The following UBAC2 variants were observed in gnomAD, a reference collection of about 807,000 sequenced individuals.
UBAC2 encodes UBA domain containing 2, also known as ubiquitin-associated domain-containing protein 2.
A neutral mutation model predicts 44.0 loss-of-function variants in UBAC2; 26 were observed. The observed-to-expected ratio is 0.59, with a 90% confidence interval of 0.43 to 0.82. The LOEUF (loss-of-function observed/expected upper bound fraction) is 0.82. Ranked by LOEUF, UBAC2 falls within the 40% of genes least tolerant of loss-of-function variation. The pLI, the probability that UBAC2 is intolerant of heterozygous loss-of-function variation, is 0.00. For missense variants in UBAC2, 329 were observed against 419.4 expected (o/e 0.78, Z 1.88); for synonymous variants, 155 against 154.3 (o/e 1.00, Z -0.04).
intron 1 of UBAC2, among the ~76,000 whole-genome samples, chr13:99,219,686 AT>A (rs760313803): frequency 2.4e-4 from 37 of 152,328 alleles, no homozygotes; most frequent in Admixed American, 1.6e-3. Flanking sequence ...AAACCAAAAG[AT>A]TAGACATCCC....
At chr13:99,343,519 C>T (rs1273428346) in intron 7 of UBAC2, among the ~76,000 whole-genome samples, 3 of 152,234 alleles carry the variant, frequency 2.0e-5, no homozygotes, top group African/African-American at 4.8e-5. Flanking sequence ...TGGCTGTCTA[C>T]ACTGCTGTCA....
chr13:99,229,634 G>A (rs1434607487), intron 1 of UBAC2, among the ~76,000 whole-genome samples: 1 of 152,214 alleles, frequency 6.6e-6, no homozygotes, highest in Non-Finnish European at 1.5e-5. Flanking sequence ...GCTTTGCAAG[G>A]TGATGCAGGA....
In UBAC2 at chr13:99,379,665, G is replaced by C. The variant is rs370049415; in HGVS notation, c.928-5563G>C. 2.1e-4 allele frequency among the ~76,000 whole-genome samples: 32 copies of C among 152,162 alleles called. No individual in the cohort carries two copies. In the East Asian group the frequency reaches 3.1e-3, roughly 15 times the overall value. On this transcript the variant is annotated intron_variant, in intron 8 of 8. Coordinates refer to ENST00000403766, the MANE Select transcript of UBAC2 (RefSeq NM_001144072.2). ...GTTTCTCTATTTTTCATTAATTTCT[G>C]TTTATCACTTTTAGCACAGAACTTC...
intron 4 of UBAC2, among the ~76,000 whole-genome samples, chr13:99,247,062 C>A (rs2043392507): frequency 6.6e-6 from 1 of 152,148 alleles, no homozygotes. Context: ...TCTTGAATTC[C>A]TGGGCTCAAG....
intron 7 of UBAC2, among the ~76,000 whole-genome samples, chr13:99,359,717 A>G (rs1400732411): frequency 2.0e-5 from 3 of 152,174 alleles, no homozygotes; most frequent in African/African-American, 7.2e-5. Context: ...CATGAGGTGG[A>G]AAACATTTGA....
intron 4 of UBAC2, among the ~76,000 whole-genome samples, chr13:99,306,353 C>T (rs765156525): frequency 2.6e-5 from 4 of 152,126 alleles, no homozygotes; most frequent in Non-Finnish European, 4.4e-5. Flanking sequence ...TAGTAATACT[C>T]CCCATTTTAC....
intron 1 of UBAC2, among the ~76,000 whole-genome samples, chr13:99,204,177 C>G (rs1409483961): frequency 6.6e-6 from 1 of 152,176 alleles, no homozygotes; most frequent in Non-Finnish European, 1.5e-5. Context: ...AGTTCCCACC[C>G]TCAAGGAGTT....
chr13:99,341,721 C>G (rs2044892365), intron 7 of UBAC2, among the ~76,000 whole-genome samples: 1 of 152,048 alleles, frequency 6.6e-6, no homozygotes, highest in Admixed American at 6.5e-5. Context: ...CAGATGAAGC[C>G]TCGTATTTAG....
At chr13:99,230,284 CA>C (rs1195796294) in intron 1 of UBAC2, among the ~76,000 whole-genome samples, 1 of 151,746 alleles carries the variant, frequency 6.6e-6, no homozygotes, top group Non-Finnish European at 1.5e-5. Flanking sequence ...GGCAACATGG[CA>C]AAACCCTGTC....
intron 1 of UBAC2, among the ~76,000 whole-genome samples, chr13:99,202,722 C>G (rs2042820120): frequency 6.6e-6 from 1 of 152,200 alleles, no homozygotes; most frequent in African/African-American, 2.4e-5. Flanking sequence ...CTGCAGCTGT[C>G]TTGGCCTGTT....
At chr13:99,340,606 G>T (rs770955574) in intron 7 of UBAC2, 41 bp downstream of exon 7, 3 of 1,589,882 alleles carry the variant, frequency 1.9e-6, no homozygotes, top group South Asian at 2.3e-5. Context: ...GAAATTCTCA[G>T]TGGCCCAAGC....
At chr13:99,222,444 T>G (rs1416745731) in intron 1 of UBAC2, among the ~76,000 whole-genome samples, 1 of 152,220 alleles carries the variant, frequency 6.6e-6, no homozygotes, top group Non-Finnish European at 1.5e-5. Context: ...CTCCACTTCC[T>G]AAGTGCTTAA....
chr13:99,245,056 A>G (rs1446038388), intron 4 of UBAC2, among the ~76,000 whole-genome samples: 1 of 151,648 alleles, frequency 6.6e-6, no homozygotes, highest in Non-Finnish European at 1.5e-5. Context: ...CTGGTCTTGA[A>G]CTCCTGACCT....
chr13:99,228,432 C>T (rs2043135434), intron 1 of UBAC2, among the ~76,000 whole-genome samples: 1 of 151,294 alleles, frequency 6.6e-6, no homozygotes, highest in African/African-American at 2.4e-5. Flanking sequence ...GGATTACAGG[C>T]TCCCCCGCAC....
intron 7 of UBAC2, among the ~76,000 whole-genome samples, chr13:99,341,617 G>A (rs867462618): frequency 6.6e-6 from 1 of 152,152 alleles, no homozygotes; most frequent in Non-Finnish European, 1.5e-5. Context: ...ATAGGTGATG[G>A]AGTCACCTCT....
chr13:99,242,193 C>A (rs900634651), intron 2 of UBAC2, among the ~76,000 whole-genome samples: 1 of 152,160 alleles, frequency 6.6e-6, no homozygotes, highest in Non-Finnish European at 1.5e-5. Flanking sequence ...CACCTTTCCC[C>A]CCCTTCTATT....
chr13:99,301,139 C>A (rs1419635159), intron 4 of UBAC2, among the ~76,000 whole-genome samples: 2 of 152,170 alleles, frequency 1.3e-5, no homozygotes, highest in South Asian at 4.1e-4. Context: ...TGAAAAGATG[C>A]ACGTGGCCCC....
chr13:99,258,783 A>C (rs2043613208), intron 4 of UBAC2, among the ~76,000 whole-genome samples: 1 of 152,182 alleles, frequency 6.6e-6, no homozygotes, highest in Admixed American at 6.5e-5. Flanking sequence ...GAAAGATCCC[A>C]AGTGCTTAAT....
intron 6 of UBAC2, among the ~76,000 whole-genome samples, chr13:99,323,324 G>C (rs1050370268): frequency 1.3e-5 from 2 of 152,194 alleles, no homozygotes; most frequent in African/African-American, 4.8e-5. Context: ...AGGCTAACCA[G>C]ATACAGTGGC....
Sources: allele counts gnomAD v4.1 joint callset (sites outside exome capture counted in the v4.1 genomes callset), GRCh38; gene constraint gnomAD v4.1.1; transcripts MANE v1.5; gene names NCBI Gene and HGNC (gene_info 2026-07-23, HGNC 2026-07-21).